Variants in KCNQ5 observed in about 807,000 individuals in gnomAD.
KCNQ5 encodes the protein potassium voltage-gated channel subfamily Q member 5.
In KCNQ5, 30 loss-of-function variants were observed where a neutral mutation model predicts 98.2. That is an observed-to-expected ratio of 0.31 (90% CI 0.23 to 0.41). KCNQ5 has a LOEUF of 0.41. Among genes scored for constraint, KCNQ5 ranks in the 10% least tolerant of loss-of-function variants. The pLI, the probability that KCNQ5 is intolerant of heterozygous loss-of-function variation, is 1.00. For synonymous variants in KCNQ5, 458 were observed against 449.4 expected (o/e 1.02, Z -0.24); for missense variants, 835 against 1,182.5 (o/e 0.71, Z 4.31).
chr6:72,709,941 A>G (rs181512438), intron 1 of KCNQ5, among the ~76,000 whole-genome samples: 1 of 152,262 alleles, frequency 6.6e-6, no homozygotes, highest in Non-Finnish European at 1.5e-5. Context: ...TAAACAAATA[A>G]GTAAATATTA....
chr6:72,810,552 G>T (rs1775191150), intron 1 of KCNQ5, among the ~76,000 whole-genome samples: 1 of 152,132 alleles, frequency 6.6e-6, no homozygotes, highest in Non-Finnish European at 1.5e-5. Context: ...TCCAGCATTA[G>T]CAGGGAAACT....
chr6:72,649,720 T>C (rs1246537165), intron 1 of KCNQ5, among the ~76,000 whole-genome samples: 5 of 152,118 alleles, frequency 3.3e-5, no homozygotes, highest in African/African-American at 1.2e-4. Flanking sequence ...GTAATTCAGA[T>C]GAAGCATTAC....
chr6:72,876,371 G>A (rs962684123), intron 1 of KCNQ5, among the ~76,000 whole-genome samples: 1 of 151,976 alleles, frequency 6.6e-6, no homozygotes, highest in African/African-American at 2.4e-5. Flanking sequence ...CCACAAATTG[G>A]ATATATCTGT....
At chr6:72,724,486 T>G (rs1005291452) in intron 1 of KCNQ5, among the ~76,000 whole-genome samples, 12 of 152,200 alleles carry the variant, frequency 7.9e-5, no homozygotes, top group Admixed American at 7.8e-4. Context: ...CTTTCTGTAT[T>G]CTTCCTAGAA....
At chr6:72,635,019 T>A (rs1470891062) in intron 1 of KCNQ5, among the ~76,000 whole-genome samples, 1 of 151,892 alleles carries the variant, frequency 6.6e-6, no homozygotes, top group African/African-American at 2.4e-5. Flanking sequence ...TGAATAATAA[T>A]TTGTTCCCCT....
At chr6:73,092,030 T>C (rs1458168663) in intron 5 of KCNQ5, among the ~76,000 whole-genome samples, 5 of 152,150 alleles carry the variant, frequency 3.3e-5, no homozygotes, top group African/African-American at 1.2e-4. Context: ...TAGTTTTCCA[T>C]GTAGAGGTCT....
intron 1 of KCNQ5, among the ~76,000 whole-genome samples, chr6:72,648,645 G>T (rs558900117): frequency 4.6e-5 from 7 of 151,042 alleles, no homozygotes; most frequent in Non-Finnish European, 7.4e-5. Flanking sequence ...ATATGGAGGG[G>T]GAAAAAGAGA....
chr6:72,737,881 C>A (rs531583726), intron 1 of KCNQ5, among the ~76,000 whole-genome samples: 1 of 152,144 alleles, frequency 6.6e-6, no homozygotes, highest in East Asian at 1.9e-4. Flanking sequence ...TGGGGCTGGG[C>A]GCAGTGGCTC....
chr6:72,973,980 G>T (rs1403510652), intron 1 of KCNQ5, among the ~76,000 whole-genome samples: 2 of 152,022 alleles, frequency 1.3e-5, no homozygotes, highest in Non-Finnish European at 2.9e-5. Flanking sequence ...TGACATAAAG[G>T]TACATTTATG....
At chr6:72,741,374 T>C (rs917744408) in intron 1 of KCNQ5, among the ~76,000 whole-genome samples, 1 of 152,186 alleles carries the variant, frequency 6.6e-6, no homozygotes, top group Non-Finnish European at 1.5e-5. Context: ...GGAGCCAGCC[T>C]GTAAGAGAGT....
At chr6:72,814,339 T>TAC (rs541873945) in intron 1 of KCNQ5, among the ~76,000 whole-genome samples, 83 of 152,294 alleles carry the variant, frequency 5.4e-4, no homozygotes, top group African/African-American at 1.6e-3. Context: ...CTCTGGTACT[T>TAC]ACTAATTGTG....
chr6:73,062,389 A>G (rs1242131133), intron 3 of KCNQ5, among the ~76,000 whole-genome samples: 1 of 152,214 alleles, frequency 6.6e-6, no homozygotes, highest in Non-Finnish European at 1.5e-5. Flanking sequence ...CACACCAGCC[A>G]TGCCCTTTAA....
rs1341030862 is a variant in KCNQ5, at chr6:72,971,287, C to A, written c.399-32621C>A. Among the ~76,000 whole-genome samples the A allele has an allele frequency of 4.6e-5, 7 of 152,216 alleles. No individual in the cohort carries two copies. The East Asian group carries it at 1.4e-3, about 29-fold the overall frequency. On this transcript the variant is annotated intron_variant, in intron 1 of 13. Transcript: ENST00000370398. Reference sequence around the variant, plus strand: ...CCATCAGAGAAATGCAAATCAAAACCACAATGAGATACCATCTCACACCAG... The same window carrying A: ...CCATCAGAGAAATGCAAATCAAAACAACAATGAGATACCATCTCACACCAG...
At chr6:72,766,082 A>G (rs1772553971) in intron 1 of KCNQ5, among the ~76,000 whole-genome samples, 1 of 152,050 alleles carries the variant, frequency 6.6e-6, no homozygotes, top group Admixed American at 6.6e-5. Context: ...ATTAAGAGTG[A>G]TGGGTCTAAT....
At chr6:72,681,907 G>A (rs372139260) in intron 1 of KCNQ5, among the ~76,000 whole-genome samples, 2 of 152,076 alleles carry the variant, frequency 1.3e-5, no homozygotes, top group Admixed American at 1.3e-4. Flanking sequence ...TTTGCTCCTG[G>A]GTTGCCTTGG....
chr6:72,759,670 T>C (rs1367553160), intron 1 of KCNQ5, among the ~76,000 whole-genome samples: 2 of 152,066 alleles, frequency 1.3e-5, no homozygotes, highest in Non-Finnish European at 2.9e-5. Context: ...AAAATATAAA[T>C]TGCCACCCTG....
At chr6:72,953,142 C>T (rs1363855645) in intron 1 of KCNQ5, among the ~76,000 whole-genome samples, 1 of 152,188 alleles carries the variant, frequency 6.6e-6, no homozygotes, top group Non-Finnish European at 1.5e-5. Context: ...GTGAAACAGA[C>T]TTGGTCCCTG....
chr6:72,630,891 G>A (rs567543250), intron 1 of KCNQ5, among the ~76,000 whole-genome samples: 1 of 152,140 alleles, frequency 6.6e-6, no homozygotes, highest in African/African-American at 2.4e-5. Flanking sequence ...TTTTAGATTG[G>A]TGATTCTACT....
chr6:73,157,630 A>T (rs1184851418), intron 10 of KCNQ5: 7 of 774,446 alleles, frequency 9.0e-6, no homozygotes, highest in Admixed American at 1.7e-5. Context: ...AGGTGAACGC[A>T]GCATGGGTGA....
Sources: allele counts gnomAD v4.1 joint callset (sites outside exome capture counted in the v4.1 genomes callset), GRCh38; gene constraint gnomAD v4.1.1; transcripts MANE v1.5; gene names NCBI Gene and HGNC (gene_info 2026-07-23, HGNC 2026-07-21).